The following SOX5 variants were observed in gnomAD, a reference collection of about 807,000 sequenced individuals.
SOX5 encodes the protein SRY-box transcription factor 5.
SOX5 carries 9 observed loss-of-function variants against 92.0 expected under a neutral mutation model. The observed-to-expected ratio is 0.10, with a 90% confidence interval of 0.06 to 0.17. The LOEUF (loss-of-function observed/expected upper bound fraction) is 0.17, where lower values mean the gene tolerates loss of function less well. SOX5 is among the 10% of genes least tolerant of loss of function. The pLI is 1.00. For synonymous variants in SOX5, 344 were observed against 336.3 expected (o/e 1.02, Z -0.25); for missense variants, 642 against 944.5 (o/e 0.68, Z 4.20).
intron 2 of SOX5, among the ~76,000 whole-genome samples, chr12:24,309,489 C>A (rs1168326694): frequency 6.6e-6 from 1 of 151,984 alleles, no homozygotes; most frequent in African/African-American, 2.4e-5. Flanking sequence ...AAACTAGTTA[C>A]GCTCTTATTT....
At chr12:23,720,879 A>C (rs2092777047) in intron 6 of SOX5, among the ~76,000 whole-genome samples, 1 of 152,110 alleles carries the variant, frequency 6.6e-6, no homozygotes, top group African/African-American at 2.4e-5. Flanking sequence ...TTTTGTGTTC[A>C]TCCGTACCTA....
intron 4 of SOX5, among the ~76,000 whole-genome samples, chr12:24,113,149 T>C (rs1166477876): frequency 6.6e-6 from 1 of 150,430 alleles, no homozygotes; most frequent in Non-Finnish European, 1.5e-5. Context: ...TAAGAGGAAT[T>C]AATATATAAT....
intron 1 of SOX5, among the ~76,000 whole-genome samples, chr12:24,406,793 C>T (rs1024984039): frequency 2.6e-5 from 4 of 151,936 alleles, no homozygotes; most frequent in African/African-American, 4.8e-5. Context: ...AAATTTCACC[C>T]GAAGCAAGGG....
chr12:23,916,336 T>C (rs891891423), intron 1 of SOX5, among the ~76,000 whole-genome samples: 1 of 152,174 alleles, frequency 6.6e-6, no homozygotes, highest in African/African-American at 2.4e-5. Flanking sequence ...CATCAATCAT[T>C]TGGCAAAAGA....
At chr12:24,151,612 T>C (rs1951662570) in intron 4 of SOX5, among the ~76,000 whole-genome samples, 1 of 152,132 alleles carries the variant, frequency 6.6e-6, no homozygotes, top group African/African-American at 2.4e-5. Flanking sequence ...CTTGATGTGA[T>C]AGCAGTGTCC....
At chr12:24,506,333 G>T (rs943842469) in intron 1 of SOX5, among the ~76,000 whole-genome samples, 5 of 144,334 alleles carry the variant, frequency 3.5e-5, no homozygotes, top group African/African-American at 1.3e-4. Flanking sequence ...ATTAACTAGA[G>T]ATTAAAAAGA....
chr12:24,116,316 A>G (rs535791957), intron 4 of SOX5, among the ~76,000 whole-genome samples: 18 of 152,310 alleles, frequency 1.2e-4, no homozygotes, highest in African/African-American at 4.3e-4. Context: ...AAGATTACAA[A>G]GGAAATCAAT....
intron 2 of SOX5, among the ~76,000 whole-genome samples, chr12:24,295,711 G>A (rs867505274): frequency 2.3e-4 from 34 of 149,008 alleles, no homozygotes; most frequent in Middle Eastern, 6.8e-3. Flanking sequence ...GATTACAGGC[G>A]CACACCAGCA....
chr12:24,135,424 T>C (rs987129096), intron 4 of SOX5, among the ~76,000 whole-genome samples: 8 of 152,212 alleles, frequency 5.3e-5, no homozygotes, highest in Non-Finnish European at 4.4e-5. Context: ...AATCTGATTG[T>C]GTTGGACTCC....
intron 4 of SOX5, among the ~76,000 whole-genome samples, chr12:23,968,068 G>C (rs951007344): frequency 6.6e-6 from 1 of 152,170 alleles, no homozygotes; most frequent in African/African-American, 2.4e-5. Context: ...CACAATCAGA[G>C]ATAGTAATTT....
intron 4 of SOX5, among the ~76,000 whole-genome samples, chr12:24,169,520 G>A (rs1489995225): frequency 2.0e-5 from 3 of 152,094 alleles, no homozygotes; most frequent in African/African-American, 7.2e-5. Context: ...GTTTTACTCG[G>A]CCATGATCTT....
chr12:24,010,869 G>A (rs1188055416), intron 4 of SOX5, among the ~76,000 whole-genome samples: 3 of 151,858 alleles, frequency 2.0e-5, no homozygotes, highest in Admixed American at 6.6e-5. Flanking sequence ...AACCTGGGAG[G>A]CAGACGCTGC....
Position 23,534,282 on chromosome 12 carries a change from C to T in SOX5, c.2229G>A (p.Glu743=). 6.2e-7 allele frequency: 1 copy of T among 1,614,172 alleles called. No individual in the cohort carries two copies. Among genetic ancestry groups the T allele is most frequent in the East Asian group, 2.2e-5 (1 of 44,876 alleles). Residue 743 remains glutamate, a synonymous_variant, in exon 15 of 15, where the codon GAG becomes GAA. Coordinates refer to ENST00000451604, the MANE Select transcript of SOX5 (RefSeq NM_006940.6). ...GEIYDEYDEE[E]DDPDVDYGSD... ...TCCCATAATCTACATCTGGATCATCCTCTTCCTCGTCGTACTCATCATAAA... is the reference window on the plus strand; with the variant it reads ...TCCCATAATCTACATCTGGATCATCTTCTTCCTCGTCGTACTCATCATAAA...
At chr12:24,343,203 C>T (rs1393895072) in intron 2 of SOX5, among the ~76,000 whole-genome samples, 1 of 152,164 alleles carries the variant, frequency 6.6e-6, no homozygotes, top group Non-Finnish European at 1.5e-5. Context: ...CCAACTTTGT[C>T]TTCCTCCACT....
chr12:23,765,384 G>GAAA lies in SOX5; in HGVS notation c.482-9661_482-9660insTTT, dbSNP rs1240381243. 9.7e-3 allele frequency among the ~76,000 whole-genome samples: 21 copies of GAAA among 2,156 alleles called. No individual in the cohort carries two copies. In the Non-Finnish European group the frequency reaches 0.13, roughly 14 times the overall value. The allele number at this position is 2,156 out of a possible 152,430, so 1.4% of individuals were successfully genotyped here. Reference sequence around the variant, plus strand: ...GCTGTGAAGTCAAAAGTGTAAAACAGCAAAAAAAAAAAAAAAAAAAAAAAA... The same window carrying GAAA: ...GCTGTGAAGTCAAAAGTGTAAAACAGAAACAAAAAAAAAAAAAAAAAAAAAAAA... On this transcript the variant is annotated intron_variant, in intron 3 of 14. Transcript: ENST00000451604.
chr12:23,534,245 T>G lies in SOX5; in HGVS notation c.2266A>C (p.Asn756His). 1 of 1,614,132 alleles carries G rather than the reference T, an allele frequency of 6.2e-7. No individual in the cohort carries two copies. The highest frequency in any genetic ancestry group is 8.5e-7 in the Non-Finnish European group (1 of 1,179,986). Residue 756 changes from asparagine (N) to histidine (H), a missense_variant, in exon 15 of 15, where the codon AAC becomes CAC. Transcript: ENST00000451604. ...CAGTTGGCTTGTCCTGCAATATGGT[T>G]TTCACTGTCACTCCCATAATCTACA... The part of the protein sequence containing the change: ...PDVDYGSDSE[N>H]HIAGQAN
chr12:24,126,860 C>A (rs1949153036), intron 4 of SOX5, among the ~76,000 whole-genome samples: 1 of 152,074 alleles, frequency 6.6e-6, no homozygotes, highest in Admixed American at 6.6e-5. Flanking sequence ...CACCTTCACA[C>A]AAATGTCTCC....
chr12:23,543,362 T>C lies in SOX5; in HGVS notation c.1620A>G (p.Ser540=), dbSNP rs766923796. 5.6e-6 allele frequency: 9 copies of C among 1,613,824 alleles called. 1 individual carries two copies. The African/African-American group carries it at 1.2e-4, about 22-fold the overall frequency. Residue 540 remains serine, a synonymous_variant, in exon 13 of 15, where the codon TCA becomes TCG. Transcript: ENST00000451604. Reference sequence around the variant, plus strand: ...GCCCTCGGGATTCCCTATAAATTCTTGACTCTGAGACTCCAGCACTTCCTG... The same window carrying C: ...GCCCTCGGGATTCCCTATAAATTCTCGACTCTGAGACTCCAGCACTTCCTG... ...DSDGSAGVSE[S]RIYRESRGRG... is the part of the protein sequence containing the mutation.
chr12:24,154,636 G>GA (rs1321968893), intron 4 of SOX5, among the ~76,000 whole-genome samples: 2 of 152,016 alleles, frequency 1.3e-5, no homozygotes, highest in African/African-American at 4.8e-5. Flanking sequence ...TCTAACAACA[G>GA]AAAAATGCTT....
Sources: gnomAD v4.1 joint callset for allele counts (sites outside exome capture counted in the v4.1 genomes callset) on GRCh38, gnomAD v4.1.1 for gene constraint, MANE v1.5 for transcripts, NCBI Gene and HGNC (gene_info 2026-07-23, HGNC 2026-07-21) for gene names.